Variants in GABRG3 observed in about 807,000 individuals in gnomAD.
The protein encoded by GABRG3 is gamma-aminobutyric acid type A receptor subunit gamma3, also known as gamma-aminobutyric acid receptor subunit gamma-3.
GABRG3 carries 25 observed loss-of-function variants against 48.8 expected under a neutral mutation model. The observed-to-expected ratio is 0.51, with a 90% CI of 0.37 to 0.72. GABRG3 has a LOEUF of 0.72. Ranked by LOEUF, GABRG3 falls within the 30% of genes least tolerant of loss-of-function variation. GABRG3 has a pLI of 0.00. For missense variants in GABRG3, 394 were observed against 577.9 expected (o/e 0.68, Z 3.26); for synonymous variants, 227 against 217.6 (o/e 1.04, Z -0.38).
At chr15:27,333,341 G>A (rs1022863499) in intron 5 of GABRG3, among the ~76,000 whole-genome samples, 1 of 152,118 alleles carries the variant, frequency 6.6e-6, no homozygotes, top group Non-Finnish European at 1.5e-5. Context: ...CACCATTGCC[G>A]CCTGGAGTCT....
intron 3 of GABRG3, among the ~76,000 whole-genome samples, chr15:27,231,049 GA>G (rs1181321970): frequency 6.8e-6 from 1 of 146,240 alleles, no homozygotes; most frequent in Non-Finnish European, 1.5e-5. Flanking sequence ...GTGTGTGTGT[GA>G]TTTCTTCCTA....
intron 6 of GABRG3, among the ~76,000 whole-genome samples, chr15:27,513,992 A>C (rs141527233): frequency 8.2e-4 from 125 of 152,302 alleles, no homozygotes; most frequent in African/African-American, 2.6e-3. Flanking sequence ...GATGACAAAA[A>C]CTTTTTCTTA....
chr15:27,342,020 G>A (rs1296772313), intron 5 of GABRG3, among the ~76,000 whole-genome samples: 1 of 152,184 alleles, frequency 6.6e-6, no homozygotes, highest in Non-Finnish European at 1.5e-5. Context: ...ATTCTCCCAG[G>A]GTGATTAATT....
chr15:27,305,565 C>T (rs562631800), intron 3 of GABRG3, among the ~76,000 whole-genome samples: 95 of 139,110 alleles, frequency 6.8e-4, no homozygotes, highest in African/African-American at 1.9e-3. Context: ...TATAAACCTA[C>T]GTGTTTATAT....
chr15:27,305,380 G>C (rs538644482), intron 3 of GABRG3, among the ~76,000 whole-genome samples: 5 of 150,964 alleles, frequency 3.3e-5, no homozygotes, highest in East Asian at 3.9e-4. Flanking sequence ...TAAAGAAATA[G>C]AGAGTCATAC....
chr15:27,265,039 C>T (rs1342650467), intron 3 of GABRG3, among the ~76,000 whole-genome samples: 1 of 152,122 alleles, frequency 6.6e-6, no homozygotes, highest in African/African-American at 2.4e-5. Flanking sequence ...AACACCGTTC[C>T]TTTACTCCCA....
At position 27,214,256 on chromosome 15, in the gene GABRG3, G is replaced by A. The variant is rs150164491; in HGVS notation, c.271-112553G>A. ...TAGCAACAGCAGTGTTTTTAACCAC[G>A]GAATGTGAAATGAACATTCTGATTA... On this transcript the variant is annotated intron_variant, in intron 3 of 9. Coordinates refer to ENST00000615808, the MANE Select transcript of GABRG3 (RefSeq NM_033223.5). Among the ~76,000 whole-genome samples, 6 of 152,276 alleles carry A rather than the reference G, an allele frequency of 3.9e-5. 1 individual carries two copies. In the East Asian group the frequency reaches 1.2e-3, roughly 29 times the overall value.
chr15:27,358,341 A>G (rs1052117806), intron 5 of GABRG3, among the ~76,000 whole-genome samples: 3 of 152,206 alleles, frequency 2.0e-5, no homozygotes, highest in Non-Finnish European at 4.4e-5. Context: ...ATGGATGAAT[A>G]TTATGGATTC....
chr15:27,267,063 A>G (rs1890942479), intron 3 of GABRG3, among the ~76,000 whole-genome samples: 1 of 140,280 alleles, frequency 7.1e-6, no homozygotes, highest in South Asian at 2.3e-4. Flanking sequence ...ATATCCTTAC[A>G]TTGTTCCTGA....
chr15:27,322,158 A>C (rs1893448274), intron 3 of GABRG3, among the ~76,000 whole-genome samples: 1 of 152,274 alleles, frequency 6.6e-6, no homozygotes, highest in African/African-American at 2.4e-5. Context: ...TGAGAGAAAT[A>C]AAAATATTTC....
chr15:27,023,791 C>G (rs772691497), intron 2 of GABRG3, among the ~76,000 whole-genome samples: 1 of 152,186 alleles, frequency 6.6e-6, no homozygotes, highest in African/African-American at 2.4e-5. Flanking sequence ...TTGAGCCCCT[C>G]CTTTTAATTC....
chr15:26,986,462 A>G (rs990379905), intron 2 of GABRG3, among the ~76,000 whole-genome samples: 1 of 152,146 alleles, frequency 6.6e-6, no homozygotes, highest in Non-Finnish European at 1.5e-5. Flanking sequence ...TTGGCGGCTG[A>G]ACTTTCCCCA....
chr15:27,336,208 AAGAGAGAGAG>A (rs71285057), intron 5 of GABRG3, among the ~76,000 whole-genome samples: 16 of 138,782 alleles, frequency 1.2e-4, no homozygotes, highest in African/African-American at 3.5e-4. Flanking sequence ...GAAAGAAAGA[AAGAGAGAGAG>A]AGAGAGAGAG....
intron 3 of GABRG3, among the ~76,000 whole-genome samples, chr15:27,269,586 G>C (rs1396992301): frequency 6.6e-6 from 1 of 152,142 alleles, no homozygotes; most frequent in Admixed American, 6.5e-5. Context: ...TATTTTAAAT[G>C]AATTTTCACA....
At chr15:27,429,432 T>C (rs1201212910) in intron 5 of GABRG3, among the ~76,000 whole-genome samples, 1 of 152,194 alleles carries the variant, frequency 6.6e-6, no homozygotes, top group African/African-American at 2.4e-5. Context: ...TAATGAGATA[T>C]AATTCACATG....
In GABRG3 at chr15:26,971,701, G is replaced by C. The variant is rs1894848836; in HGVS notation, c.53+113G>C. 55 of 1,236,188 alleles carry C rather than the reference G, an allele frequency of 4.4e-5. No individual in the cohort carries two copies. In the South Asian group the frequency reaches 9.3e-4, roughly 21 times the overall value. 76.6% of individuals were successfully genotyped at this position (1,236,188 alleles called of 1,614,324 possible). On this transcript the variant is annotated intron_variant, in intron 1 of 9. Transcript: ENST00000615808. ...CCAGCCGTCGGCTGGGCTGCGGCACGGCGGGCCGGGAGGGGACTGGGAAGT... is the reference window on the plus strand; with the variant it reads ...CCAGCCGTCGGCTGGGCTGCGGCACCGCGGGCCGGGAGGGGACTGGGAAGT...
At chr15:27,212,752 C>A (rs1595589238) in intron 3 of GABRG3, among the ~76,000 whole-genome samples, 1 of 152,316 alleles carries the variant, frequency 6.6e-6, no homozygotes, top group African/African-American at 2.4e-5. Context: ...ACCTTGGCAA[C>A]AACTGTTCTC....
intron 5 of GABRG3, among the ~76,000 whole-genome samples, chr15:27,412,191 A>C (rs1887816951): frequency 6.6e-6 from 1 of 152,082 alleles, no homozygotes; most frequent in South Asian, 2.1e-4. Context: ...ATAATACAGG[A>C]GCTTCCACAT....
chr15:27,271,491 ACAGGCCACGCCCCGGAGCCCC>A lies in GABRG3; in HGVS notation c.271-55305_271-55285del, dbSNP rs552703739. 2.3e-4 allele frequency: 104 copies of A among 452,972 alleles called. 1 individual carries two copies. The highest frequency in any genetic ancestry group is 1.5e-3 in the South Asian group (96 of 64,288). 28.1% of individuals were successfully genotyped at this position (452,972 alleles called of 1,614,324 possible). A position where few individuals can be genotyped will look rare whatever the true frequency, so the allele number is the denominator to read the frequency against. On this transcript the variant is annotated intron_variant, in intron 3 of 9. Coordinates refer to ENST00000615808, the MANE Select transcript of GABRG3 (RefSeq NM_033223.5). ...GAGCTCAGGCCATGCCCTCAGAGCA[ACAGGCCACGCCCCGGAGCCCC>A]CAGGCCACGCCCTTTAGGAGATCTC...
Sources: gnomAD v4.1 joint callset for allele counts (sites outside exome capture counted in the v4.1 genomes callset) on GRCh38, gnomAD v4.1.1 for gene constraint, MANE v1.5 for transcripts, NCBI Gene and HGNC (gene_info 2026-07-23, HGNC 2026-07-21) for gene names.